The following EYA4 variants were observed in gnomAD, a reference collection of about 807,000 sequenced individuals.
EYA4 encodes EYA transcriptional coactivator and phosphatase 4.
EYA4 carries 31 observed loss-of-function variants against 87.9 expected under a neutral mutation model. The observed-to-expected ratio is 0.35, with a 90% CI of 0.27 to 0.48. EYA4 has a LOEUF of 0.48. Among genes scored for constraint, EYA4 ranks in the 20% least tolerant of loss-of-function variants. EYA4 has a pLI of 0.99. For synonymous variants in EYA4, 263 were observed against 270.6 expected (o/e 0.97, Z 0.28); for missense variants, 678 against 761.4 (o/e 0.89, Z 1.29).
intron 3 of EYA4, among the ~76,000 whole-genome samples, chr6:133,403,167 C>CA (rs142738857): frequency 0.077 from 11,606 of 150,418 alleles, 637 homozygotes; most frequent in African/African-American, 0.15. Flanking sequence ...TTCAAATAGC[C>CA]AAAAAAAAAT....
At chr6:133,459,811 A>G (rs1442746322) in intron 6 of EYA4, among the ~76,000 whole-genome samples, 1 of 152,120 alleles carries the variant, frequency 6.6e-6, no homozygotes, top group Non-Finnish European at 1.5e-5. Context: ...AAATTCAGTT[A>G]AATTCTGGTT....
intron 2 of EYA4, among the ~76,000 whole-genome samples, chr6:133,365,554 G>T (rs1165493505): frequency 6.6e-6 from 1 of 152,038 alleles, no homozygotes; most frequent in African/African-American, 2.4e-5. Flanking sequence ...CATTTCCCAC[G>T]ATGGGGCGCA....
chr6:133,322,083 G>A (rs1485723781), intron 2 of EYA4, among the ~76,000 whole-genome samples: 4 of 152,190 alleles, frequency 2.6e-5, no homozygotes, highest in Non-Finnish European at 5.9e-5. Flanking sequence ...GTGATCAAAT[G>A]TGTCATCTTG....
chr6:133,372,061 G>C (rs1435039551), intron 2 of EYA4, among the ~76,000 whole-genome samples: 1 of 152,004 alleles, frequency 6.6e-6, no homozygotes, highest in Non-Finnish European at 1.5e-5. Flanking sequence ...GTTTATGACA[G>C]TCCAGAATTT....
In EYA4 at chr6:133,456,701, C is replaced by G. The variant is rs113565324; in HGVS notation, c.370+53C>G. 4,884 of 1,064,170 alleles carry G rather than the reference C, an allele frequency of 4.6e-3. 132 individuals carry two copies. The African/African-American group carries it at 0.066, about 14-fold the overall frequency. The allele number at this position is 1,064,170 out of a possible 1,614,324, so 65.9% of individuals were successfully genotyped here. On this transcript the variant is annotated intron_variant, in intron 6 of 19. Coordinates refer to ENST00000355286, the MANE Select transcript of EYA4 (RefSeq NM_004100.5). ...CGTACACATGGGGGTGCATCCACATCCTCCTCCTCGGGAATAAGCAACATA... is the reference window on the plus strand; with the variant it reads ...CGTACACATGGGGGTGCATCCACATGCTCCTCCTCGGGAATAAGCAACATA...
At chr6:133,396,800 A>G (rs1335496873) in intron 3 of EYA4, among the ~76,000 whole-genome samples, 1 of 152,106 alleles carries the variant, frequency 6.6e-6, no homozygotes, top group East Asian at 1.9e-4. Flanking sequence ...GGGATTTAGA[A>G]GGGTTAATTC....
intron 3 of EYA4, among the ~76,000 whole-genome samples, chr6:133,404,697 C>T (rs1271625505): frequency 6.6e-6 from 1 of 152,184 alleles, no homozygotes; most frequent in Non-Finnish European, 1.5e-5. Context: ...CTAGTAACTT[C>T]CTATGCATTT....
chr6:133,460,164 T>C (rs1048086372), intron 6 of EYA4, among the ~76,000 whole-genome samples: 17 of 152,128 alleles, frequency 1.1e-4, no homozygotes, highest in Admixed American at 1.0e-3. Flanking sequence ...ATAACTATGA[T>C]TGATTAGACT....
rs772801278 is a variant in EYA4 at position 133,274,823 on chromosome 6, C to T, written c.33+10C>T. 1.9e-6 allele frequency: 3 copies of T among 1,612,750 alleles called. No homozygotes were observed. Among genetic ancestry groups the T allele is most frequent in the African/African-American group, 2.7e-5 (2 of 74,980 alleles). On this transcript the variant is annotated intron_variant, in intron 2 of 19. Transcript: ENST00000355286. ...TTTAAATGAACAATCAGTAAGTCTT[C>T]ATTCTCAGTTTTGCTGAAAAAAGTT...
At chr6:133,351,717 G>T (rs570450355) in intron 2 of EYA4, among the ~76,000 whole-genome samples, 5 of 152,114 alleles carry the variant, frequency 3.3e-5, no homozygotes, top group Non-Finnish European at 7.4e-5. Context: ...ATTACAGGAA[G>T]GGTGTTGGGT....
intron 2 of EYA4, among the ~76,000 whole-genome samples, chr6:133,284,532 G>T (rs1472462827): frequency 6.6e-6 from 1 of 152,176 alleles, no homozygotes; most frequent in African/African-American, 2.4e-5. Context: ...GAAATTAAAT[G>T]ATAGTTCAGC....
At position 133,338,849 on chromosome 6, in the gene EYA4, C is replaced by CT. The variant is rs11298929; in HGVS notation, c.34-43531dup. Among the ~76,000 whole-genome samples, 520 of 149,028 alleles carry CT rather than the reference C, an allele frequency of 3.5e-3. 2 individuals are homozygous for CT. The highest frequency in any genetic ancestry group is 0.017 in the Middle Eastern group (5 of 292). ...TTCAGAAAATTATCACCAATTGCTT[C>CT]TTTTTTTTTTTTGTCTTCTCAGAAA... On this transcript the variant is annotated intron_variant, in intron 2 of 19. Coordinates refer to ENST00000355286, the MANE Select transcript of EYA4 (RefSeq NM_004100.5).
chr6:133,303,381 T>C (rs1779559838), intron 2 of EYA4, among the ~76,000 whole-genome samples: 1 of 152,238 alleles, frequency 6.6e-6, no homozygotes, highest in African/African-American at 2.4e-5. Context: ...TTTCAGATAT[T>C]CACTTAACTA....
chr6:133,339,707 T>C (rs1782643058), intron 2 of EYA4, among the ~76,000 whole-genome samples: 1 of 151,926 alleles, frequency 6.6e-6, no homozygotes, highest in Admixed American at 6.6e-5. Context: ...ATTTTTGAGG[T>C]GATAAGAAGA....
intron 3 of EYA4, among the ~76,000 whole-genome samples, chr6:133,413,300 C>T (rs892782300): frequency 2.0e-5 from 3 of 152,132 alleles, no homozygotes; most frequent in African/African-American, 4.8e-5. Context: ...TCCTGACTCC[C>T]ACTTCACGGA....
At chr6:133,457,360 C>T (rs1269132200) in intron 6 of EYA4, among the ~76,000 whole-genome samples, 1 of 151,982 alleles carries the variant, frequency 6.6e-6, no homozygotes, top group Admixed American at 6.6e-5. Context: ...TTTTTCTAAC[C>T]TGAGGAGGAT....
intron 18 of EYA4, among the ~76,000 whole-genome samples, chr6:133,523,590 GA>G (rs1165457108): frequency 6.6e-6 from 1 of 151,948 alleles, no homozygotes; most frequent in Non-Finnish European, 1.5e-5. Context: ...CTTAATTACA[GA>G]AAAAAATTAA....
intron 1 of EYA4, among the ~76,000 whole-genome samples, chr6:133,272,650 A>T (rs1196066944): frequency 6.6e-6 from 1 of 152,176 alleles, no homozygotes; most frequent in Non-Finnish European, 1.5e-5. Flanking sequence ...CTTTGCTGTC[A>T]TTCACCTATG....
At position 133,332,237 on chromosome 6, in the gene EYA4, G is replaced by A. The variant is rs1782020659; in HGVS notation, c.34-50155G>A. ...TGAAGCCAAGGAAATCAGGGTTAGG[G>A]CCAAAGTAACAGGAAAGCAGACAGA... is the stretch of plus-strand genomic sequence containing the variant. On this transcript the variant is annotated intron_variant, in intron 2 of 19. Transcript: ENST00000355286. 1.3e-5 allele frequency among the ~76,000 whole-genome samples: 2 copies of A among 152,170 alleles called. 1 individual carries two copies. The highest frequency in any genetic ancestry group is 4.1e-4 in the South Asian group (2 of 4,830).
Sources: gnomAD v4.1 joint callset for allele counts (sites outside exome capture counted in the v4.1 genomes callset) on GRCh38, gnomAD v4.1.1 for gene constraint, MANE v1.5 for transcripts, NCBI Gene and HGNC (gene_info 2026-07-23, HGNC 2026-07-21) for gene names.